The following PRELID2 variants were observed in gnomAD, a reference collection of about 807,000 sequenced individuals.
PRELID2 encodes PRELI domain containing 2.
PRELID2 carries 25 observed loss-of-function variants against 28.4 expected under a neutral mutation model. The ratio of observed to expected loss-of-function variants is 0.88; its 90% CI spans 0.64 to 1.23. PRELID2 has a LOEUF of 1.23. Ranked by LOEUF, PRELID2 falls within the 50% of genes most tolerant of loss-of-function variation. The pLI is 0.00. For synonymous variants in PRELID2, 76 were observed against 71.6 expected, an observed-to-expected ratio of 1.06 and a Z score of -0.31; for missense variants, 201 against 214.4, an observed-to-expected ratio of 0.94 and a Z score of 0.39.
At chr5:145,619,843 A>G (rs1432141981) in intron 1 of PRELID2, among the ~76,000 whole-genome samples, 1 of 152,228 alleles carries the variant, frequency 6.6e-6, no homozygotes, top group Admixed American at 6.5e-5. Flanking sequence ...CCCATTATCA[A>G]TCAAGACAAT....
At chr5:145,727,699 C>T (rs551028890) in intron 1 of PRELID2, among the ~76,000 whole-genome samples, 17 of 152,172 alleles carry the variant, frequency 1.1e-4, no homozygotes, top group East Asian at 1.9e-4. Context: ...TCTTTTGGAA[C>T]GGGATAAGAG....
At chr5:145,802,633 G>A (rs530194626) in intron 4 of PRELID2, among the ~76,000 whole-genome samples, 1 of 152,272 alleles carries the variant, frequency 6.6e-6, no homozygotes, top group Non-Finnish European at 1.5e-5. Context: ...CTGATTGTGG[G>A]ATGAGCCACC....
intron 1 of PRELID2, among the ~76,000 whole-genome samples, chr5:145,726,458 C>T (rs1179084556): frequency 6.6e-6 from 1 of 152,164 alleles, no homozygotes; most frequent in Non-Finnish European, 1.5e-5. Flanking sequence ...CTGAGAAGAA[C>T]ATTAAGTCTG....
chr5:145,475,038 C>T (rs1296142324), intron 1 of PRELID2, among the ~76,000 whole-genome samples: 4 of 152,108 alleles, frequency 2.6e-5, no homozygotes, highest in African/African-American at 9.7e-5. Flanking sequence ...CTCTGGGTTC[C>T]TCCACATAGG....
the PRELID2 span, among the ~76,000 whole-genome samples, chr5:145,440,222 G>A: frequency 1.3e-5 from 2 of 152,080 alleles, no homozygotes; most frequent in Admixed American, 1.3e-4. Flanking sequence ...CAGCCACAGT[G>A]ACCCAGGATG....
the PRELID2 span, among the ~76,000 whole-genome samples, chr5:145,335,130 A>C: frequency 6.6e-6 from 1 of 151,898 alleles, no homozygotes; most frequent in Non-Finnish European, 1.5e-5. Flanking sequence ...GTGTCCTATA[A>C]ATTCCATAAA....
At chr5:145,456,524 C>T in the PRELID2 span, among the ~76,000 whole-genome samples, 5 of 152,216 alleles carry the variant, frequency 3.3e-5, no homozygotes, top group African/African-American at 7.2e-5. Context: ...CCTTAATCTC[C>T]GACACTTGTA....
chr5:145,770,353 T>TAA (rs545578890), intron 5 of PRELID2, among the ~76,000 whole-genome samples: 3 of 148,130 alleles, frequency 2.0e-5, no homozygotes, highest in African/African-American at 2.5e-5. Context: ...CCTTCTCTAT[T>TAA]AAAAAAAAAA....
intron 1 of PRELID2, among the ~76,000 whole-genome samples, chr5:145,648,398 A>G (rs1435432221): frequency 2.7e-5 from 4 of 150,020 alleles, no homozygotes; most frequent in African/African-American, 7.4e-5. Flanking sequence ...GATGTTTTTA[A>G]ATAATAAATA....
At chr5:145,288,474 A>G in the PRELID2 span, among the ~76,000 whole-genome samples, 3 of 152,052 alleles carry the variant, frequency 2.0e-5, no homozygotes, top group Non-Finnish European at 2.9e-5. Context: ...TTTTGACAAT[A>G]TAAGGTGATC....
chr5:145,538,662 G>A lies in PRELID2; in HGVS notation n.71-65347C>T, dbSNP rs140040873. Reference sequence around the variant, plus strand: ...ATCAGTCATGAGACTTTTTAACTCTGGAAATAGTTGGCATTTTATTTTTCC... The same window carrying A: ...ATCAGTCATGAGACTTTTTAACTCTAGAAATAGTTGGCATTTTATTTTTCC... On this transcript the variant is annotated intron_variant and non_coding_transcript_variant, in intron 1 of 2. Coordinates refer to the PRELID2 transcript ENST00000510259. Among the ~76,000 whole-genome samples the A allele has an allele frequency of 6.1e-3, 933 of 151,990 alleles. 10 individuals carry two copies. The highest frequency in any genetic ancestry group is 0.022 in the African/African-American group (902 of 41,506).
At chr5:145,490,900 C>G (rs1459930969) in intron 1 of PRELID2, among the ~76,000 whole-genome samples, 1 of 151,768 alleles carries the variant, frequency 6.6e-6, no homozygotes, top group Non-Finnish European at 1.5e-5. Context: ...GTCCCCACCC[C>G]CCCATCAAAC....
the PRELID2 span, among the ~76,000 whole-genome samples, chr5:145,394,459 C>T: frequency 6.6e-6 from 1 of 151,346 alleles, no homozygotes; most frequent in African/African-American, 2.4e-5. Flanking sequence ...GGAGGGATAG[C>T]ATTAGGTGAT....
the PRELID2 span, among the ~76,000 whole-genome samples, chr5:145,409,742 T>C: frequency 7.6e-6 from 1 of 132,434 alleles, no homozygotes; most frequent in Non-Finnish European, 1.6e-5. Context: ...TGAAACCCCA[T>C]CTCTACTGAA....
chr5:145,673,006 A>G (rs1247088717), intron 1 of PRELID2, among the ~76,000 whole-genome samples: 1 of 152,130 alleles, frequency 6.6e-6, no homozygotes, highest in African/African-American at 2.4e-5. Context: ...TTCTGATTCT[A>G]TGAGGGATGA....
At chr5:145,665,419 C>T (rs1164890414) in intron 1 of PRELID2, among the ~76,000 whole-genome samples, 1 of 152,038 alleles carries the variant, frequency 6.6e-6, no homozygotes, top group South Asian at 2.1e-4. Flanking sequence ...GCAATTATGC[C>T]ATATATTTAC....
chr5:145,588,403 A>T (rs1753182229), intron 1 of PRELID2, among the ~76,000 whole-genome samples: 1 of 152,004 alleles, frequency 6.6e-6, no homozygotes, highest in Non-Finnish European at 1.5e-5. Flanking sequence ...CCATAAAGAA[A>T]ACTCCTATTC....
At chr5:145,538,408 T>C (rs1752719913) in intron 1 of PRELID2, among the ~76,000 whole-genome samples, 1 of 151,944 alleles carries the variant, frequency 6.6e-6, no homozygotes, top group South Asian at 2.1e-4. Context: ...TAATAGGGAT[T>C]GCATTAAATA....
chr5:145,586,635 C>A (rs1421221961), intron 1 of PRELID2, among the ~76,000 whole-genome samples: 1 of 152,084 alleles, frequency 6.6e-6, no homozygotes, highest in Non-Finnish European at 1.5e-5. Flanking sequence ...AACATAAGCT[C>A]CTATGGGCAT....
Sources: allele counts gnomAD v4.1 joint callset (sites outside exome capture counted in the v4.1 genomes callset), GRCh38; gene constraint gnomAD v4.1.1; transcripts MANE v1.5; gene names NCBI Gene and HGNC (gene_info 2026-07-23, HGNC 2026-07-21).